PRKD3: variants seen among roughly 807,000 people sequenced by gnomAD.
PRKD3 encodes the protein protein kinase D3.
A neutral mutation model predicts 99.2 loss-of-function variants in PRKD3; 47 were observed. That is an observed-to-expected ratio of 0.47 (90% confidence interval 0.38 to 0.60). PRKD3 has a LOEUF of 0.60. PRKD3 is among the 20% of genes least tolerant of loss of function. PRKD3 has a pLI of 0.00. For missense variants in PRKD3, 1,019 were observed against 1,088.4 expected (o/e 0.94, Z 0.90); for synonymous variants, 392 against 355.4 (o/e 1.10, Z -1.16).
intron 12 of PRKD3, among the ~76,000 whole-genome samples, chr2:37,270,976 C>T (rs1669218136): frequency 6.6e-6 from 1 of 152,074 alleles, no homozygotes; most frequent in Admixed American, 6.5e-5. Flanking sequence ...TTTGATATTC[C>T]TCCTTATCTC....
At chr2:37,264,612 G>GTA (rs1461991635) in intron 14 of PRKD3, among the ~76,000 whole-genome samples, 1 of 152,134 alleles carries the variant, frequency 6.6e-6, no homozygotes, top group African/African-American at 2.4e-5. Flanking sequence ...AGACAAGGGA[G>GTA]TATGACATGC....
At chr2:37,273,771 A>G (rs1277413546) in intron 11 of PRKD3, among the ~76,000 whole-genome samples, 1 of 152,228 alleles carries the variant, frequency 6.6e-6, no homozygotes, top group African/African-American at 2.4e-5. Flanking sequence ...ATGTGTCCCC[A>G]TAAGCAACAT....
At chr2:37,254,174 T>C (rs553958877) in intron 18 of PRKD3, 30 bp downstream of exon 18, 37 of 1,513,732 alleles carry the variant, frequency 2.4e-5, no homozygotes, top group African/African-American at 6.9e-5. Context: ...CAAATGAGGA[T>C]TGCCAAAGAG....
chr2:37,288,826 C>T (rs1176936859), intron 5 of PRKD3, among the ~76,000 whole-genome samples: 3 of 152,016 alleles, frequency 2.0e-5, no homozygotes, highest in Admixed American at 6.6e-5. Context: ...GAGGCCGAGG[C>T]GGGCAGATCA....
At chr2:37,267,956 T>C (rs566384047) in intron 13 of PRKD3, 1 of 192,670 alleles carries the variant, frequency 5.2e-6, no homozygotes, top group East Asian at 1.6e-4. Flanking sequence ...TGTCTCTATA[T>C]TCTAGAATCT....
In PRKD3 at chr2:37,250,987, A is replaced by G. The variant is rs1310786116; in HGVS notation, c.*2190T>C. On this transcript the variant is annotated 3_prime_UTR_variant, in exon 19 of 19. Coordinates refer to ENST00000234179, the MANE Select transcript of PRKD3 (RefSeq NM_005813.6). Reference sequence around the variant, plus strand: ...CTTAGGCATTTAACAACAAATACAAAGAGTGCAATTAATTTCATGGCTTGT... The same window carrying G: ...CTTAGGCATTTAACAACAAATACAAGGAGTGCAATTAATTTCATGGCTTGT... 2 of 152,662 alleles carry G rather than the reference A, an allele frequency of 1.3e-5. No homozygotes were observed. The highest frequency in any genetic ancestry group is 6.5e-5 in the Admixed American group (1 of 15,280). The allele number at this position is 152,662 out of a possible 1,614,324, so 9.5% of individuals were successfully genotyped here.
chr2:37,288,709 C>T (rs1381202037), intron 5 of PRKD3, among the ~76,000 whole-genome samples: 3 of 152,106 alleles, frequency 2.0e-5, no homozygotes, highest in Non-Finnish European at 4.4e-5. Flanking sequence ...TACTAATTTG[C>T]TCTCTGACTT....
intron 17 of PRKD3, 63 bp from the exon 18 acceptor site, chr2:37,254,352 C>T: frequency 7.6e-7 from 1 of 1,318,424 alleles, no homozygotes; most frequent in African/African-American, 1.4e-5. Flanking sequence ...AAACTTGTGA[C>T]TGCCTAGAAG....
Position 37,275,779 on chromosome 2 carries a change from T to C in PRKD3, c.1362A>G (p.Ser454=), listed in dbSNP as rs1389328774. 3.7e-6 allele frequency: 6 copies of C among 1,609,654 alleles called. No homozygotes were observed. The highest frequency in any genetic ancestry group is 5.1e-6 in the Non-Finnish European group (6 of 1,178,118). ...GTAAAATCCTTACCTTATAATACTT[T>C]GATCCAGATTCATTCTGAAATAATG... ...CLTLFQNESG[S]KYYKEIPLSE... is the part of the protein sequence containing the mutation. The change falls in exon 10 of 19, where the codon TCA becomes TCG. Residue 454 remains serine (S), a synonymous_variant. Coordinates refer to ENST00000234179, the MANE Select transcript of PRKD3 (RefSeq NM_005813.6).
intron 13 of PRKD3, chr2:37,267,958 C>A (rs1668957000): frequency 5.2e-6 from 1 of 190,734 alleles, no homozygotes; most frequent in South Asian, 9.8e-5. Flanking sequence ...TCTCTATATT[C>A]TAGAATCTAG....
At chr2:37,260,777 G>A (rs1408895427) in intron 14 of PRKD3, among the ~76,000 whole-genome samples, 1 of 152,048 alleles carries the variant, frequency 6.6e-6, no homozygotes, top group Non-Finnish European at 1.5e-5. Context: ...ATTTGTGATG[G>A]TATTTGCTTA....
intron 15 of PRKD3, 104 bp downstream of exon 15, chr2:37,260,119 G>T: frequency 9.7e-7 from 1 of 1,031,770 alleles, no homozygotes; most frequent in Non-Finnish European, 1.4e-6. Flanking sequence ...GAGCCAGATT[G>T]CACCACTGCA....
intron 13 of PRKD3, chr2:37,267,823 T>C: frequency 3.1e-6 from 1 of 326,976 alleles, no homozygotes; most frequent in South Asian, 3.5e-5. Flanking sequence ...TGATAGTTAA[T>C]TACCCTGACC....
At position 37,251,989 on chromosome 2, in the gene PRKD3, T is replaced by C. The variant is rs568011400; in HGVS notation, c.*1188A>G. 7.6e-4 allele frequency: 116 copies of C among 152,298 alleles called. No individual in the cohort carries two copies. The highest frequency in any genetic ancestry group is 2.6e-3 in the African/African-American group (106 of 41,560). The allele number at this position is 152,298 out of a possible 1,614,324, so 9.4% of individuals were successfully genotyped here. On this transcript the variant is annotated 3_prime_UTR_variant, in exon 19 of 19. Transcript: ENST00000234179. Reference sequence around the variant, plus strand: ...ACTTTGGGGAAGATATTTAAAAATATTTTTTAAATAGCTGGCTGCTGGAGC... The same window carrying C: ...ACTTTGGGGAAGATATTTAAAAATACTTTTTAAATAGCTGGCTGCTGGAGC...
intron 2 of PRKD3, among the ~76,000 whole-genome samples, chr2:37,315,454 G>T (rs918827084): frequency 1.3e-5 from 2 of 152,028 alleles, no homozygotes; most frequent in African/African-American, 2.4e-5. Flanking sequence ...TTATTTTTCA[G>T]GACGTTCAGA....
At chr2:37,269,765 A>ATT in intron 12 of PRKD3, 78 bp from the exon 13 acceptor site, 15 of 962,986 alleles carry the variant, frequency 1.6e-5, no homozygotes, top group African/African-American at 9.9e-5. Context: ...CTTCATCCAA[A>ATT]TACTTCAATA....
intron 10 of PRKD3, 66 bp downstream of exon 10, chr2:37,275,701 G>T: frequency 6.8e-7 from 1 of 1,466,288 alleles, no homozygotes; most frequent in Non-Finnish European, 9.2e-7. Context: ...AACAGTTAAT[G>T]AATATTATCT....
chr2:37,268,359 T>G (rs111328125), intron 13 of PRKD3: 12 of 470,906 alleles, frequency 2.5e-5, no homozygotes, highest in African/African-American at 8.0e-5. Context: ...TAACTACTCT[T>G]AAAACTGACA....
chr2:37,305,391 A>T (rs1415033704), intron 2 of PRKD3, among the ~76,000 whole-genome samples: 1 of 152,240 alleles, frequency 6.6e-6, no homozygotes, highest in Non-Finnish European at 1.5e-5. Context: ...TGTAAACAGC[A>T]TTATAACTTA....
Sources: allele counts gnomAD v4.1 joint callset (sites outside exome capture counted in the v4.1 genomes callset), GRCh38; gene constraint gnomAD v4.1.1; transcripts MANE v1.5; gene names NCBI Gene and HGNC (gene_info 2026-07-23, HGNC 2026-07-21).